Variants in HEMK2 observed in about 807,000 individuals in gnomAD.
HEMK2 encodes the protein methyltransferase HEMK2.
At chr21:28,770,625 G>A in the HEMK2 span, among the ~76,000 whole-genome samples, 2 of 152,084 alleles carry the variant, frequency 1.3e-5, no homozygotes, top group African/African-American at 4.8e-5. Context: ...TATTGTGGGA[G>A]TGAATTAATT....
At chr21:28,870,938 G>T in the HEMK2 span, among the ~76,000 whole-genome samples, 15 of 152,236 alleles carry the variant, frequency 9.9e-5, no homozygotes, top group African/African-American at 3.6e-4. Flanking sequence ...TTCCCTGATT[G>T]TTAGTTTCAG....
At chr21:28,727,720 T>C in the HEMK2 span, among the ~76,000 whole-genome samples, 1 of 152,218 alleles carries the variant, frequency 6.6e-6, no homozygotes, top group African/African-American at 2.4e-5. Context: ...CTGCAATGCG[T>C]AGGTAAATTT....
the HEMK2 span, among the ~76,000 whole-genome samples, chr21:28,831,973 GA>G: frequency 6.6e-6 from 1 of 152,174 alleles, no homozygotes; most frequent in East Asian, 1.9e-4. Context: ...TGTAGGAGGT[GA>G]AAGTTAATAT....
At chr21:28,685,479 A>G in the HEMK2 span, among the ~76,000 whole-genome samples, 2 of 152,164 alleles carry the variant, frequency 1.3e-5, no homozygotes, top group South Asian at 2.1e-4. Flanking sequence ...GTAAAGTGGA[A>G]AAGGAAAAAT....
chr21:28,775,030 T>C, the HEMK2 span, among the ~76,000 whole-genome samples: 1 of 152,206 alleles, frequency 6.6e-6, no homozygotes, highest in Non-Finnish European at 1.5e-5. Flanking sequence ...AAATTTACAG[T>C]ATAAGGAAGG....
chr21:28,592,371 G>T, the HEMK2 span, among the ~76,000 whole-genome samples: 2 of 152,186 alleles, frequency 1.3e-5, no homozygotes, highest in African/African-American at 2.4e-5. Context: ...GAGCCAAAAA[G>T]GTTCTGAATC....
the HEMK2 span, among the ~76,000 whole-genome samples, chr21:28,754,696 T>C: frequency 6.6e-6 from 1 of 152,288 alleles, no homozygotes. Context: ...TGATCTCTCC[T>C]TTGTAAACAT....
the HEMK2 span, among the ~76,000 whole-genome samples, chr21:28,577,003 G>A: frequency 1.6e-4 from 24 of 152,288 alleles, no homozygotes; most frequent in South Asian, 4.1e-4. Flanking sequence ...GAGCCACTGC[G>A]CCCAGCCCTA....
At chr21:28,775,077 A>G in the HEMK2 span, among the ~76,000 whole-genome samples, 29 of 152,324 alleles carry the variant, frequency 1.9e-4, no homozygotes, top group African/African-American at 6.5e-4. Context: ...AATTCCTTTT[A>G]TTCGGTTTTC....
At chr21:28,884,852 A>G in the HEMK2 span, among the ~76,000 whole-genome samples, 2 of 152,218 alleles carry the variant, frequency 1.3e-5, no homozygotes, top group Non-Finnish European at 2.9e-5. Flanking sequence ...CTTTAAAAAT[A>G]TTAATAAGCA....
At chr21:28,600,961 T>C in the HEMK2 span, among the ~76,000 whole-genome samples, 1 of 152,246 alleles carries the variant, frequency 6.6e-6, no homozygotes, top group Non-Finnish European at 1.5e-5. Context: ...TCTCAGTTAA[T>C]GGTTACTTCA....
At chr21:28,757,540 C>T in the HEMK2 span, among the ~76,000 whole-genome samples, 1 of 152,156 alleles carries the variant, frequency 6.6e-6, no homozygotes, top group Non-Finnish European at 1.5e-5. Flanking sequence ...TGCCCAAATA[C>T]AGATGTGTTA....
the HEMK2 span, among the ~76,000 whole-genome samples, chr21:28,620,069 T>A: frequency 1.3e-5 from 2 of 152,196 alleles, no homozygotes; most frequent in Non-Finnish European, 2.9e-5. Context: ...GAACTTCCAA[T>A]ACTATGTTGA....
At chr21:28,798,761 C>T in the HEMK2 span, among the ~76,000 whole-genome samples, 1 of 152,156 alleles carries the variant, frequency 6.6e-6, no homozygotes, top group Non-Finnish European at 1.5e-5. Context: ...ACAGCTAATA[C>T]AGCTAATACA....
the HEMK2 span, among the ~76,000 whole-genome samples, chr21:28,727,805 C>T: frequency 6.6e-6 from 1 of 152,202 alleles, no homozygotes; most frequent in South Asian, 2.1e-4. Context: ...AGACCTGTTT[C>T]ATTCAAGTAA....
At chr21:28,876,543 T>G in the HEMK2 span, 63 of 1,153,320 alleles carry the variant, frequency 5.5e-5, no homozygotes, top group Admixed American at 1.6e-4. Flanking sequence ...GTAGTGTGCA[T>G]GATCAATAAG....
the HEMK2 span, among the ~76,000 whole-genome samples, chr21:28,773,409 T>C: frequency 6.6e-6 from 1 of 152,254 alleles, no homozygotes; most frequent in South Asian, 2.1e-4. Flanking sequence ...CTTTAACAAC[T>C]AGAAATACAG....
chr21:28,866,701 C>A, the HEMK2 span, among the ~76,000 whole-genome samples: 1 of 152,020 alleles, frequency 6.6e-6, no homozygotes, highest in Non-Finnish European at 1.5e-5. Flanking sequence ...CTACTGCACT[C>A]CAGCCTGGGT....
the HEMK2 span, among the ~76,000 whole-genome samples, chr21:28,836,130 C>T: frequency 2.0e-5 from 3 of 152,126 alleles, no homozygotes; most frequent in African/African-American, 7.2e-5. Flanking sequence ...ACAAGAAGCA[C>T]AAAGAACACC....
Sources: gnomAD v4.1 joint callset for allele counts (sites outside exome capture counted in the v4.1 genomes callset) on GRCh38, gnomAD v4.1.1 for gene constraint, MANE v1.5 for transcripts, NCBI Gene and HGNC (gene_info 2026-07-23, HGNC 2026-07-21) for gene names.